The following RANBP2 variants were observed in gnomAD, a reference collection of about 807,000 sequenced individuals.
RANBP2 encodes E3 SUMO-protein ligase RanBP2.
Under a neutral mutation model 303.6 loss-of-function variants are expected in RANBP2, and 57 were observed. That is an observed-to-expected ratio of 0.19 (90% confidence interval 0.15 to 0.23). RANBP2 has a LOEUF of 0.23. Ranked by LOEUF, RANBP2 falls within the 10% of genes least tolerant of loss-of-function variation. The pLI is 1.00. For missense variants in RANBP2, 3,138 were observed against 3,780.8 expected, an observed-to-expected ratio of 0.83 and a Z score of 4.46; for synonymous variants, 1,167 against 1,301.5, an observed-to-expected ratio of 0.90 and a Z score of 2.23.
chr2:108,968,455 C>A, the RANBP2 span, among the ~76,000 whole-genome samples: 6 of 152,104 alleles, frequency 3.9e-5, no homozygotes, highest in Non-Finnish European at 7.4e-5. Context: ...GGAGGTTTGT[C>A]CCCAGCAGTT....
chr2:109,678,783 C>T, the RANBP2 span, among the ~76,000 whole-genome samples: 11 of 152,126 alleles, frequency 7.2e-5, no homozygotes, highest in East Asian at 3.9e-4. Context: ...CCAGGCTGCA[C>T]GAGTGGCTGA....
the RANBP2 span, among the ~76,000 whole-genome samples, chr2:109,481,889 CA>C: frequency 1.3e-5 from 2 of 152,148 alleles, no homozygotes; most frequent in Non-Finnish European, 2.9e-5. Flanking sequence ...ACTGTTTTAT[CA>C]CCACGGAATC....
the RANBP2 span, among the ~76,000 whole-genome samples, chr2:109,140,827 G>A: frequency 2.6e-5 from 4 of 152,166 alleles, no homozygotes; most frequent in Non-Finnish European, 5.9e-5. Context: ...ACTAATCAGT[G>A]CCCCATCTTA....
chr2:108,969,239 T>C, the RANBP2 span, among the ~76,000 whole-genome samples: 12 of 152,258 alleles, frequency 7.9e-5, no homozygotes, highest in East Asian at 2.3e-3. Flanking sequence ...CTCTTCTCTC[T>C]GCCCTCAGCT....
the RANBP2 span, among the ~76,000 whole-genome samples, chr2:109,609,615 CAA>C: frequency 2.9e-3 from 288 of 97,916 alleles, 2 homozygotes; most frequent in African/African-American, 7.3e-3. Flanking sequence ...GACTCCGCCT[CAA>C]AAAAAAAAAA....
At chr2:109,430,477 C>T in the RANBP2 span, among the ~76,000 whole-genome samples, 3 of 152,032 alleles carry the variant, frequency 2.0e-5, no homozygotes, top group Non-Finnish European at 4.4e-5. Context: ...CTTTCTTCCT[C>T]TGTCCTCTCC....
At chr2:109,708,175 T>C in the RANBP2 span, among the ~76,000 whole-genome samples, 1 of 152,082 alleles carries the variant, frequency 6.6e-6, no homozygotes, top group Non-Finnish European at 1.5e-5. Context: ...CTGGGCAACA[T>C]GGCAAAACCC....
chr2:109,540,580 T>C, the RANBP2 span, among the ~76,000 whole-genome samples: 1 of 151,866 alleles, frequency 6.6e-6, no homozygotes, highest in East Asian at 1.9e-4. Context: ...ATTCTAACAC[T>C]TTGGGAGGCT....
At chr2:108,907,450 A>G in the RANBP2 span, among the ~76,000 whole-genome samples, 1 of 152,140 alleles carries the variant, frequency 6.6e-6, no homozygotes, top group Non-Finnish European at 1.5e-5. Flanking sequence ...GTTTGAGAGC[A>G]GCCTGGGCAA....
the RANBP2 span, among the ~76,000 whole-genome samples, chr2:109,462,646 G>A: frequency 6.6e-6 from 1 of 152,196 alleles, no homozygotes. Context: ...GCAGGTTAGT[G>A]GCTTCCACTG....
At chr2:109,453,647 T>C in the RANBP2 span, among the ~76,000 whole-genome samples, 2 of 152,236 alleles carry the variant, frequency 1.3e-5, no homozygotes, top group African/African-American at 4.8e-5. Flanking sequence ...AGCATGAGGA[T>C]GTACCTGGCA....
chr2:109,413,979 C>G, the RANBP2 span, among the ~76,000 whole-genome samples: 1 of 152,246 alleles, frequency 6.6e-6, no homozygotes, highest in South Asian at 2.1e-4. Flanking sequence ...ACCAGTGGGT[C>G]CTTCTAGGTC....
the RANBP2 span, among the ~76,000 whole-genome samples, chr2:109,006,111 G>C: frequency 1.3e-5 from 2 of 152,220 alleles, no homozygotes; most frequent in African/African-American, 4.8e-5. Flanking sequence ...GTGGGGTTGC[G>C]GGGGAACAAT....
chr2:108,890,645 C>T, the RANBP2 span, among the ~76,000 whole-genome samples: 4 of 152,134 alleles, frequency 2.6e-5, no homozygotes, highest in South Asian at 2.1e-4. Context: ...TGTGTCATGG[C>T]GAAAACGCTT....
At chr2:109,307,956 G>T in the RANBP2 span, among the ~76,000 whole-genome samples, 4 of 135,020 alleles carry the variant, frequency 3.0e-5, no homozygotes, top group Admixed American at 1.5e-4. Context: ...GGATGGCTGG[G>T]TCAAATGGTA....
chr2:108,786,783 A>T (rs1032414728), downstream of RANBP2: 5 of 1,540,186 alleles, frequency 3.2e-6, no homozygotes, highest in Non-Finnish European at 3.5e-6. Flanking sequence ...GGGTTTGATG[A>T]ACGCGGTTCC....
chr2:109,043,228 C>T, the RANBP2 span, among the ~76,000 whole-genome samples: 1 of 152,150 alleles, frequency 6.6e-6, no homozygotes, highest in Non-Finnish European at 1.5e-5. Context: ...ACCTTTAGTG[C>T]GTCATTTGTA....
At chr2:109,032,523 A>G in the RANBP2 span, among the ~76,000 whole-genome samples, 4 of 152,016 alleles carry the variant, frequency 2.6e-5, no homozygotes, top group African/African-American at 9.7e-5. Flanking sequence ...ACACCATGGA[A>G]GGGCTTTCTC....
the RANBP2 span, among the ~76,000 whole-genome samples, chr2:109,427,444 C>T: frequency 4.8e-3 from 725 of 152,288 alleles, 1 homozygote; most frequent in African/African-American, 0.015. Flanking sequence ...ACCAAACCCA[C>T]GAGTATCCCA....
Sources: gnomAD v4.1 joint callset for allele counts (sites outside exome capture counted in the v4.1 genomes callset) on GRCh38, gnomAD v4.1.1 for gene constraint, MANE v1.5 for transcripts, NCBI Gene and HGNC (gene_info 2026-07-23, HGNC 2026-07-21) for gene names.